KCND3: variants seen among roughly 807,000 people sequenced by gnomAD.
KCND3 encodes potassium voltage-gated channel subfamily D member 3.
In KCND3, 9 loss-of-function variants were observed where a neutral mutation model predicts 51.1. The observed-to-expected ratio is 0.18, with a 90% CI of 0.11 to 0.31. The LOEUF (loss-of-function observed/expected upper bound fraction) is 0.31, where lower values mean the gene tolerates loss of function less well. Among genes scored for constraint, KCND3 ranks in the 10% least tolerant of loss-of-function variants. KCND3 has a pLI of 1.00. For missense variants in KCND3, 526 were observed against 903.8 expected (o/e 0.58, Z 5.36); for synonymous variants, 349 against 368.0 (o/e 0.95, Z 0.59).
At chr1:111,801,061 A>C (rs1665287018) in intron 2 of KCND3, among the ~76,000 whole-genome samples, 2 of 152,212 alleles carry the variant, frequency 1.3e-5, no homozygotes, top group Admixed American at 6.5e-5. Context: ...TGTTCACACA[A>C]AAGCCTTCTC....
At chr1:111,847,158 G>A (rs546220293) in intron 2 of KCND3, among the ~76,000 whole-genome samples, 10 of 152,344 alleles carry the variant, frequency 6.6e-5, no homozygotes, top group African/African-American at 1.7e-4. Context: ...CAGAGAAACC[G>A]AGAGGCGGGA....
rs1663911790 is a variant in KCND3 at position 111,771,727 on chromosome 1, A to C, written c.*4350T>G. ...TATCCACAAGTTGACATTTTTGTTAATTATAGATCGGCATTAACTGTCAAC... is the reference window on the plus strand; with the variant it reads ...TATCCACAAGTTGACATTTTTGTTACTTATAGATCGGCATTAACTGTCAAC... On this transcript the variant is annotated 3_prime_UTR_variant, in exon 8 of 8. Transcript: ENST00000302127. The C allele has an allele frequency of 6.6e-6, 1 of 152,260 alleles. No homozygotes were observed. The highest frequency in any genetic ancestry group is 6.5e-5 in the Admixed American group (1 of 15,290). The allele number at this position is 152,260 out of a possible 1,614,324, so 9.4% of individuals were successfully genotyped here. A position where few individuals can be genotyped will look rare whatever the true frequency, so the allele number is the denominator to read the frequency against.
intron 2 of KCND3, among the ~76,000 whole-genome samples, chr1:111,969,927 C>T (rs924037178): frequency 2.6e-5 from 4 of 152,310 alleles, no homozygotes; most frequent in Admixed American, 1.3e-4. Flanking sequence ...TGGCTCACTC[C>T]ACATGCAAGC....
chr1:111,780,611 AG>A lies in KCND3; in HGVS notation c.1371+78del. The A allele has an allele frequency of 1.6e-6, 2 of 1,235,326 alleles. No homozygotes were observed. Among genetic ancestry groups the A allele is most frequent in the South Asian group, 2.6e-5 (2 of 77,674 alleles). 76.5% of individuals were successfully genotyped at this position (1,235,326 alleles called of 1,614,324 possible). On this transcript the variant is annotated intron_variant, in intron 4 of 7. Transcript: ENST00000302127. The surrounding 1 kb of genome is among the most constrained non-coding windows in gnomAD (Gnocchi z 4.2). ...GGGTTCATACTGGGGCTCTGGTGAG[AG>A]TGCTGGTGTCCCGGGAAAGAGAAAA...
chr1:111,909,054 G>C (rs1218494931), intron 2 of KCND3, among the ~76,000 whole-genome samples: 1 of 151,106 alleles, frequency 6.6e-6, no homozygotes, highest in Non-Finnish European at 1.5e-5. Flanking sequence ...AAATTCAGAA[G>C]GCAGACTCCT....
chr1:111,795,548 C>G (rs1553238497), intron 2 of KCND3, among the ~76,000 whole-genome samples: 1 of 152,198 alleles, frequency 6.6e-6, no homozygotes, highest in Non-Finnish European at 1.5e-5. Flanking sequence ...TCGGCTCATT[C>G]AAGCCAGTGC....
rs79370381 is a variant in KCND3 at position 111,979,755 on chromosome 1, A to G, written c.1106+1866T>C. ...GCAGGGCTGTTGTAAAAACTTAAAG[A>G]GATAATATATGCAAAGTTCTTAGTA... On this transcript the variant is annotated intron_variant, in intron 2 of 7. Transcript: ENST00000302127. Among the ~76,000 whole-genome samples, 1,123 of 152,310 alleles carry G rather than the reference A, an allele frequency of 7.4e-3. 12 individuals carry two copies. Among genetic ancestry groups the G allele is most frequent in the African/African-American group, 0.025 (1,049 of 41,568 alleles).
intron 2 of KCND3, among the ~76,000 whole-genome samples, chr1:111,892,866 CG>C (rs1294531374): frequency 1.3e-5 from 2 of 152,244 alleles, no homozygotes; most frequent in Non-Finnish European, 1.5e-5. Flanking sequence ...ACCACATTCC[CG>C]GGAGGTATAG....
intron 2 of KCND3, among the ~76,000 whole-genome samples, chr1:111,949,948 T>C (rs896764836): frequency 6.6e-6 from 1 of 152,278 alleles, no homozygotes; most frequent in Non-Finnish European, 1.5e-5. Flanking sequence ...CCTCACTCTG[T>C]TGCTCAGGCT....
intron 2 of KCND3, among the ~76,000 whole-genome samples, chr1:111,904,095 G>GTTTTTTT (rs11327926): frequency 1.6e-5 from 2 of 128,074 alleles, no homozygotes; most frequent in Admixed American, 1.6e-4. Context: ...TTGGTTTTTT[G>GTTTTTTT]TTTTTTTTTT....
intron 2 of KCND3, among the ~76,000 whole-genome samples, chr1:111,944,556 C>T (rs1672687918): frequency 6.6e-6 from 1 of 152,210 alleles, no homozygotes; most frequent in Non-Finnish European, 1.5e-5. Flanking sequence ...GTCCCAGCTG[C>T]CCCTCCTGGG....
intron 2 of KCND3, among the ~76,000 whole-genome samples, chr1:111,936,039 T>G (rs1462689903): frequency 6.6e-6 from 1 of 152,192 alleles, no homozygotes; most frequent in African/African-American, 2.4e-5. Flanking sequence ...CATGGAAATA[T>G]CCTGATAAAT....
At chr1:111,915,876 A>C (rs76041415) in intron 2 of KCND3, among the ~76,000 whole-genome samples, 1 of 152,126 alleles carries the variant, frequency 6.6e-6, no homozygotes, top group African/African-American at 2.4e-5. Flanking sequence ...TAAAAAAAAA[A>C]ACAAAACCCT....
chr1:111,872,516 T>G (rs1271907096), intron 2 of KCND3, among the ~76,000 whole-genome samples: 1 of 152,220 alleles, frequency 6.6e-6, no homozygotes, highest in Non-Finnish European at 1.5e-5. Flanking sequence ...TAGAAGGCTC[T>G]CATAAAGTCA....
intron 2 of KCND3, among the ~76,000 whole-genome samples, chr1:111,930,208 G>A (rs1671899719): frequency 6.6e-6 from 1 of 151,234 alleles, no homozygotes; most frequent in African/African-American, 2.4e-5. Context: ...ACAGAAAATT[G>A]GCTTGAAAAC....
intron 2 of KCND3, among the ~76,000 whole-genome samples, chr1:111,899,997 G>GGT (rs747405379): frequency 1.6e-4 from 24 of 152,226 alleles, no homozygotes; most frequent in Non-Finnish European, 3.1e-4. Flanking sequence ...ACAAAGCAGT[G>GGT]AGGAGGCAGG....
At chr1:111,831,461 TGG>T (rs1180847735) in intron 2 of KCND3, among the ~76,000 whole-genome samples, 3 of 152,192 alleles carry the variant, frequency 2.0e-5, no homozygotes, top group African/African-American at 7.2e-5. Context: ...CTGCTTCCCC[TGG>T]CTGTACGTTT....
intron 2 of KCND3, among the ~76,000 whole-genome samples, chr1:111,796,151 G>A (rs1353000904): frequency 1.3e-5 from 2 of 152,136 alleles, no homozygotes; most frequent in Non-Finnish European, 2.9e-5. Flanking sequence ...TGTTCACTCT[G>A]TCGGCAGTTT....
intron 2 of KCND3, among the ~76,000 whole-genome samples, chr1:111,882,830 T>C (rs1669396915): frequency 6.6e-6 from 1 of 152,126 alleles, no homozygotes; most frequent in Non-Finnish European, 1.5e-5. Flanking sequence ...GAACTCTTCC[T>C]TTCCACCCCA....
Sources: gnomAD v4.1 joint callset for allele counts (sites outside exome capture counted in the v4.1 genomes callset) on GRCh38, gnomAD v4.1.1 for gene constraint, Gnocchi (gnomAD v3.1) non-coding constraint, MANE v1.5 for transcripts, NCBI Gene and HGNC (gene_info 2026-07-23, HGNC 2026-07-21) for gene names.